Variants in GRIA4 observed in about 807,000 individuals in gnomAD.
The protein encoded by GRIA4 is glutamate ionotropic receptor AMPA type subunit 4.
A neutral mutation model predicts 104.0 loss-of-function variants in GRIA4; 34 were observed. The ratio of observed to expected loss-of-function variants is 0.33; its 90% CI spans 0.25 to 0.44. GRIA4 has a LOEUF of 0.44. GRIA4 is among the 20% of genes least tolerant of loss of function. The probability of loss-of-function intolerance (pLI) is 1.00; values close to 1 mark genes in which losing one functional copy is unlikely to be tolerated. For synonymous variants in GRIA4, 386 were observed against 381.9 expected (o/e 1.01, Z -0.13); for missense variants, 750 against 1,096.5 (o/e 0.68, Z 4.46).
intron 3 of GRIA4, among the ~76,000 whole-genome samples, chr11:105,743,531 C>T (rs1939455077): frequency 6.6e-6 from 1 of 152,174 alleles, no homozygotes; most frequent in African/African-American, 2.4e-5. Context: ...TTTCACCGCA[C>T]ATTGTTCCTG....
At chr11:105,745,140 A>T (rs752875313) in intron 3 of GRIA4, among the ~76,000 whole-genome samples, 9 of 152,280 alleles carry the variant, frequency 5.9e-5, no homozygotes, top group Middle Eastern at 3.4e-3. Flanking sequence ...GCTAATAACT[A>T]ACATTTTTTC....
intron 4 of GRIA4, among the ~76,000 whole-genome samples, chr11:105,798,222 G>A (rs1452172325): frequency 6.6e-6 from 1 of 152,038 alleles, no homozygotes; most frequent in African/African-American, 2.4e-5. Context: ...CATAAGTAAA[G>A]CAGGGAACAA....
intron 5 of GRIA4, among the ~76,000 whole-genome samples, chr11:105,883,946 C>A (rs1946160141): frequency 6.6e-6 from 1 of 152,098 alleles, no homozygotes; most frequent in Non-Finnish European, 1.5e-5. Flanking sequence ...CTTTATGCAG[C>A]CAACAGACAC....
chr11:105,948,863 T>A (rs1182059413), intron 14 of GRIA4, among the ~76,000 whole-genome samples: 1 of 152,124 alleles, frequency 6.6e-6, no homozygotes, highest in Admixed American at 6.5e-5. Flanking sequence ...AGTGCTGAGA[T>A]GACAGGCATG....
chr11:105,836,479 T>A (rs1052447522), intron 4 of GRIA4, among the ~76,000 whole-genome samples: 1 of 152,158 alleles, frequency 6.6e-6, no homozygotes, highest in African/African-American at 2.4e-5. Flanking sequence ...CTCACCATCA[T>A]GCCATCTGCC....
intron 4 of GRIA4, among the ~76,000 whole-genome samples, chr11:105,801,357 T>C (rs1376268688): frequency 6.6e-6 from 1 of 151,796 alleles, no homozygotes; most frequent in Non-Finnish European, 1.5e-5. Context: ...TGCAGGAAAT[T>C]AGGATTATAA....
chr11:105,749,434 A>G (rs1565515183), intron 3 of GRIA4, among the ~76,000 whole-genome samples: 1 of 152,206 alleles, frequency 6.6e-6, no homozygotes. Flanking sequence ...TAAGAGGTGG[A>G]AAACTGAAGA....
chr11:105,632,958 A>T (rs1316115912), intron 3 of GRIA4, among the ~76,000 whole-genome samples: 1 of 152,158 alleles, frequency 6.6e-6, no homozygotes, highest in Non-Finnish European at 1.5e-5. Flanking sequence ...GGTGAGAGAA[A>T]AGGGGTCTTG....
At chr11:105,682,836 G>C (rs10895856) in intron 3 of GRIA4, among the ~76,000 whole-genome samples, 72,174 of 151,976 alleles carry the variant, frequency 0.47, 17,969 homozygotes, top group Admixed American at 0.58. Context: ...AACCACAGAT[G>C]CAGTTGTCTT....
intron 6 of GRIA4, among the ~76,000 whole-genome samples, chr11:105,896,311 A>G (rs1014571809): frequency 1.2e-4 from 18 of 151,978 alleles, no homozygotes; most frequent in Non-Finnish European, 1.0e-4. Flanking sequence ...TTCCTTATAG[A>G]TTCTAGATAT....
chr11:105,961,377 C>A (rs1010184940), intron 14 of GRIA4, among the ~76,000 whole-genome samples: 1 of 152,064 alleles, frequency 6.6e-6, no homozygotes, highest in African/African-American at 2.4e-5. Context: ...TACACAATTT[C>A]TTTTTGTCAC....
intron 3 of GRIA4, among the ~76,000 whole-genome samples, chr11:105,649,154 T>C (rs1241721036): frequency 6.6e-6 from 1 of 152,146 alleles, no homozygotes; most frequent in East Asian, 1.9e-4. Context: ...AACTTTGTTA[T>C]TGACATATAT....
At chr11:105,856,013 T>C (rs761558573) in intron 4 of GRIA4, among the ~76,000 whole-genome samples, 4 of 152,158 alleles carry the variant, frequency 2.6e-5, no homozygotes, top group Non-Finnish European at 2.9e-5. Context: ...GAATAGATAG[T>C]AGTCTGACTC....
chr11:105,753,198 C>T lies in GRIA4; in HGVS notation c.465C>T (p.Val155=). Residue 155 remains valine (V), a synonymous_variant, in exon 4 of 17, where the codon GTC becomes GTT. Coordinates refer to ENST00000282499, the MANE Select transcript of GRIA4 (RefSeq NM_000829.4). Reference sequence around the variant, plus strand: ...ATCACTACGAATGGAACTGTTTTGTCTTCCTGTATGACACAGACAGGGGTA... The same window carrying T: ...ATCACTACGAATGGAACTGTTTTGTTTTCCTGTATGACACAGACAGGGGTA... ...LLDHYEWNCF[V]FLYDTDRGYS... 6.2e-7 allele frequency: 1 copy of T among 1,613,636 alleles called. No individual in the cohort carries two copies. The highest frequency in any genetic ancestry group is 2.2e-5 in the East Asian group (1 of 44,838).
At chr11:105,812,135 T>C (rs1328790011) in intron 4 of GRIA4, among the ~76,000 whole-genome samples, 1 of 152,242 alleles carries the variant, frequency 6.6e-6, no homozygotes, top group African/African-American at 2.4e-5. Context: ...TCTGTTTAGT[T>C]AGAACATATT....
At chr11:105,807,293 G>A (rs1942991537) in intron 4 of GRIA4, among the ~76,000 whole-genome samples, 1 of 151,910 alleles carries the variant, frequency 6.6e-6, no homozygotes, top group African/African-American at 2.4e-5. Flanking sequence ...AGAAGCATAA[G>A]AATGAAAGAG....
At chr11:105,764,177 A>C (rs1407436415) in intron 4 of GRIA4, among the ~76,000 whole-genome samples, 1 of 152,038 alleles carries the variant, frequency 6.6e-6, no homozygotes, top group Non-Finnish European at 1.5e-5. Flanking sequence ...TCACTCTGTC[A>C]CCAGGCTGGA....
At chr11:105,791,208 A>G (rs1942200262) in intron 4 of GRIA4, among the ~76,000 whole-genome samples, 1 of 152,204 alleles carries the variant, frequency 6.6e-6, no homozygotes, top group Non-Finnish European at 1.5e-5. Context: ...AACAACGAAA[A>G]GTAGAATTAT....
intron 3 of GRIA4, among the ~76,000 whole-genome samples, chr11:105,647,198 C>T (rs7130156): frequency 0.52 from 78,805 of 151,990 alleles, 20,699 homozygotes; most frequent in Admixed American, 0.61. Flanking sequence ...GAAAAAAGCT[C>T]AGTACCACTA....
Sources: allele counts gnomAD v4.1 joint callset (sites outside exome capture counted in the v4.1 genomes callset), GRCh38; gene constraint gnomAD v4.1.1; transcripts MANE v1.5; gene names NCBI Gene and HGNC (gene_info 2026-07-23, HGNC 2026-07-21).